SIPA1L3: variants seen among roughly 807,000 people sequenced by gnomAD.
The protein encoded by SIPA1L3 is signal-induced proliferation-associated 1-like protein 3.
SIPA1L3 carries 59 observed loss-of-function variants against 150.1 expected under a neutral mutation model. That is an observed-to-expected ratio of 0.39 (90% CI 0.32 to 0.49). The LOEUF (loss-of-function observed/expected upper bound fraction) is 0.49, where lower values mean the gene tolerates loss of function less well. SIPA1L3 is among the 20% of genes least tolerant of loss of function. The pLI is 0.86. For synonymous variants in SIPA1L3, 1,070 were observed against 1,077.6 expected, an observed-to-expected ratio of 0.99 and a Z score of 0.14; for missense variants, 2,211 against 2,489.5, an observed-to-expected ratio of 0.89 and a Z score of 2.38.
intron 16 of SIPA1L3, among the ~76,000 whole-genome samples, chr19:38,187,696 C>T (rs1972715261): frequency 8.4e-6 from 1 of 118,476 alleles, no homozygotes; most frequent in South Asian, 2.8e-4. Context: ...CCAGCCTGGG[C>T]GACAGCGAGA....
intron 13 of SIPA1L3, among the ~76,000 whole-genome samples, 165 bp downstream of exon 13, chr19:38,153,132 G>A (rs191277652): frequency 6.6e-6 from 1 of 152,352 alleles, no homozygotes; most frequent in East Asian, 1.9e-4. Context: ...TAGGAGAGCA[G>A]CGGAACCAGC....
At position 38,016,289 on chromosome 19, in the gene SIPA1L3, C is replaced by T. The variant is rs991689939; in HGVS notation, c.-378-12800C>T. ...TAACTTACCTGACTTGGAGTAATAG[C>T]GTTTCATGCTAGGACTTAAAACACT... On this transcript the variant is annotated intron_variant, in intron 1 of 21. Transcript: ENST00000222345. Among the ~76,000 whole-genome samples the T allele has an allele frequency of 3.3e-5, 5 of 152,142 alleles. No individual in the cohort carries two copies. In the East Asian group the frequency reaches 7.7e-4, roughly 23 times the overall value.
At chr19:38,151,059 T>G (rs1459802262) in intron 12 of SIPA1L3, among the ~76,000 whole-genome samples, 2 of 152,204 alleles carry the variant, frequency 1.3e-5, no homozygotes, top group Non-Finnish European at 2.9e-5. Context: ...GCCTCCTCTC[T>G]TCCACCATCA....
chr19:38,067,083 T>C (rs576052532), intron 2 of SIPA1L3, among the ~76,000 whole-genome samples: 5 of 150,678 alleles, frequency 3.3e-5, no homozygotes, highest in African/African-American at 1.2e-4. Flanking sequence ...CAAAAAAAAA[T>C]TAAAAATTAG....
intron 2 of SIPA1L3, among the ~76,000 whole-genome samples, chr19:38,060,480 G>T (rs1312181644): frequency 6.6e-6 from 1 of 152,160 alleles, no homozygotes; most frequent in Non-Finnish European, 1.5e-5. Context: ...GTACAGGTGG[G>T]CTGCGGCTAT....
chr19:38,146,367 TG>T (rs1971704684), intron 12 of SIPA1L3, among the ~76,000 whole-genome samples: 1 of 152,184 alleles, frequency 6.6e-6, no homozygotes, highest in Admixed American at 6.5e-5. Flanking sequence ...AAAAGACATT[TG>T]GGGGAGTGCA....
chr19:38,042,850 A>G (rs986975363), intron 2 of SIPA1L3, among the ~76,000 whole-genome samples: 1 of 152,170 alleles, frequency 6.6e-6, no homozygotes, highest in Admixed American at 6.6e-5. Context: ...CGACATTGAT[A>G]TATTTCCTGT....
intron 1 of SIPA1L3, among the ~76,000 whole-genome samples, chr19:37,922,820 A>C (rs1181970703): frequency 6.6e-6 from 1 of 151,854 alleles, no homozygotes; most frequent in African/African-American, 2.4e-5. Flanking sequence ...AGAGTCAATC[A>C]ACAAACAAGA....
chr19:37,992,650 T>TA (rs3083579), intron 1 of SIPA1L3, among the ~76,000 whole-genome samples: 365 of 146,754 alleles, frequency 2.5e-3, no homozygotes, highest in African/African-American at 4.0e-3. Context: ...CACTCTGTCT[T>TA]AAAAAAAAAA....
intron 6 of SIPA1L3, among the ~76,000 whole-genome samples, chr19:38,104,122 C>T (rs954997698): frequency 4.6e-5 from 7 of 152,152 alleles, no homozygotes; most frequent in South Asian, 2.1e-4. Context: ...CTCTTCCCCA[C>T]ACCTCGCCAA....
At chr19:37,928,738 C>T (rs1311894589) in intron 1 of SIPA1L3, among the ~76,000 whole-genome samples, 2 of 152,130 alleles carry the variant, frequency 1.3e-5, no homozygotes, top group African/African-American at 2.4e-5. Flanking sequence ...CCAGGAAGCA[C>T]GTTTTGAGAA....
rs572845547 is a variant in SIPA1L3, at chr19:38,152,761, AAGGCTC to A, written c.3534-63_3534-58del. 1.9e-5 allele frequency: 28 copies of A among 1,483,474 alleles called. No homozygotes were observed. The Middle Eastern group carries it at 5.4e-4, about 28-fold the overall frequency. The allele number at this position is 1,483,474 out of a possible 1,614,324, so 91.9% of individuals were successfully genotyped here. ...GTGTGTCTAAAACCCACTGGCGAGC[AAGGCTC>A]AGGCTCAGGCTCAGGTGGTTTTCGA... is the stretch of plus-strand genomic sequence containing the variant. On this transcript the variant is annotated intron_variant, in intron 12 of 21. Transcript: ENST00000222345.
At chr19:37,915,720 A>G (rs1184576223) in intron 1 of SIPA1L3, among the ~76,000 whole-genome samples, 3 of 152,114 alleles carry the variant, frequency 2.0e-5, no homozygotes, top group Non-Finnish European at 2.9e-5. Context: ...GTGGGCTGTT[A>G]AAGTATCATA....
chr19:38,101,941 C>T (rs1032226325), intron 6 of SIPA1L3, among the ~76,000 whole-genome samples: 3 of 152,110 alleles, frequency 2.0e-5, no homozygotes, highest in East Asian at 1.9e-4. Flanking sequence ...CAGGCATCAG[C>T]GTGGAAGAGA....
chr19:37,958,767 G>T (rs979245010), intron 1 of SIPA1L3, among the ~76,000 whole-genome samples: 1 of 152,198 alleles, frequency 6.6e-6, no homozygotes, highest in African/African-American at 2.4e-5. Flanking sequence ...CGTAGAATGG[G>T]AGAAGATAAT....
intron 13 of SIPA1L3, among the ~76,000 whole-genome samples, chr19:38,158,499 TGA>T (rs1568582419): frequency 6.6e-6 from 1 of 152,054 alleles, no homozygotes; most frequent in African/African-American, 2.4e-5. Context: ...TGTCCTGTAC[TGA>T]GAGTGGGACA....
At chr19:38,203,061 C>G (rs1403749710) in intron 20 of SIPA1L3, among the ~76,000 whole-genome samples, 1 of 152,200 alleles carries the variant, frequency 6.6e-6, no homozygotes, top group African/African-American at 2.4e-5. Context: ...TACAACCATC[C>G]GTGCACTGTA....
chr19:37,957,667 A>G (rs1310003554), intron 1 of SIPA1L3, among the ~76,000 whole-genome samples: 1 of 151,542 alleles, frequency 6.6e-6, no homozygotes, highest in Non-Finnish European at 1.5e-5. Context: ...AACCTCCTGC[A>G]TAGCTAGGAC....
intron 1 of SIPA1L3, among the ~76,000 whole-genome samples, chr19:37,941,083 CACAT>C (rs61245572): frequency 0.019 from 2,487 of 129,590 alleles, 34 homozygotes; most frequent in East Asian, 0.069. Flanking sequence ...CACACACACA[CACAT>C]ACACACACAC....
Sources: gnomAD v4.1 joint callset for allele counts (sites outside exome capture counted in the v4.1 genomes callset) on GRCh38, gnomAD v4.1.1 for gene constraint, MANE v1.5 for transcripts, NCBI Gene and HGNC (gene_info 2026-07-23, HGNC 2026-07-21) for gene names.